Variants in STYXL2 observed in about 807,000 individuals in gnomAD.
STYXL2 encodes serine/threonine/tyrosine interacting like 2, also known as serine/threonine/tyrosine-interacting-like protein 2.
In STYXL2, 44 loss-of-function variants were observed where a neutral mutation model predicts 52.4. The ratio of observed to expected loss-of-function variants is 0.84; its 90% CI spans 0.66 to 1.08. The LOEUF (loss-of-function observed/expected upper bound fraction) is 1.08. Ranked by LOEUF, STYXL2 falls within the 50% of genes least tolerant of loss-of-function variation. The pLI, the probability that STYXL2 is intolerant of heterozygous loss-of-function variation, is 0.00. For synonymous variants in STYXL2, 604 were observed against 586.9 expected, an observed-to-expected ratio of 1.03 and a Z score of -0.42; for missense variants, 1,604 against 1,471.7, an observed-to-expected ratio of 1.09 and a Z score of -1.47.
At chr1:167,096,727 G>A (rs975656588) in intron 2 of STYXL2, among the ~76,000 whole-genome samples, 21 of 152,186 alleles carry the variant, frequency 1.4e-4, no homozygotes, top group African/African-American at 5.1e-4. Context: ...AGGCCCATGA[G>A]CCCAAGAAAA....
At chr1:167,114,336 T>C (rs1242756135) in intron 3 of STYXL2, among the ~76,000 whole-genome samples, 1 of 152,234 alleles carries the variant, frequency 6.6e-6, no homozygotes, top group Non-Finnish European at 1.5e-5. Flanking sequence ...AAGATACTTA[T>C]CTGGATTAGA....
Position 167,127,570 on chromosome 1 carries a change from A to G in STYXL2, c.2439A>G (p.Arg813=). ...TTLSSPAESC[R]SKVRGTSKPI... Reference sequence around the variant, plus strand: ...TGAGCTCACCCGCGGAAAGTTGCAGAAGCAAAGTGAGGGGGACCAGCAAGC... The same window carrying G: ...TGAGCTCACCCGCGGAAAGTTGCAGGAGCAAAGTGAGGGGGACCAGCAAGC... Residue 813 remains arginine (R), a synonymous_variant, in exon 6 of 6, where the codon AGA becomes AGG. Coordinates refer to ENST00000361200, the MANE Select transcript of STYXL2 (RefSeq NM_001080426.3). 1 of 1,614,110 alleles carries G rather than the reference A, an allele frequency of 6.2e-7. No individual in the cohort carries two copies. The highest frequency in any genetic ancestry group is 1.1e-5 in the South Asian group (1 of 91,072).
chr1:167,112,980 A>C (rs1571339358), intron 2 of STYXL2, among the ~76,000 whole-genome samples: 1 of 151,992 alleles, frequency 6.6e-6, no homozygotes, highest in Non-Finnish European at 1.5e-5. Context: ...TCCCATCCCC[A>C]CCGCCATAGT....
chr1:167,109,416 C>G (rs539861035), intron 2 of STYXL2, among the ~76,000 whole-genome samples: 2 of 152,252 alleles, frequency 1.3e-5, no homozygotes, highest in African/African-American at 4.8e-5. Flanking sequence ...GCCAGCTTTA[C>G]CCCCACTTCC....
In STYXL2 at chr1:167,128,503, T is replaced by C; in HGVS notation, c.3372T>C (p.Thr1124=). The change falls in exon 6 of 6, where the codon ACT becomes ACC. Residue 1124 remains threonine, a synonymous_variant. Coordinates refer to ENST00000361200, the MANE Select transcript of STYXL2 (RefSeq NM_001080426.3). ...SGRRSQYRRS[T]DREEEEEMDD... ...GGCGGTCCCAGTATCGGAGAAGCAC[T>C]GACAGGGAGGAAGAGGAAGAAATGG... The C allele has an allele frequency of 6.2e-7, 1 of 1,613,634 alleles. No homozygotes were observed. Among genetic ancestry groups the C allele is most frequent in the Non-Finnish European group, 8.5e-7 (1 of 1,179,900 alleles).
chr1:167,122,252 A>G (rs890472162), intron 5 of STYXL2, among the ~76,000 whole-genome samples: 1 of 152,102 alleles, frequency 6.6e-6, no homozygotes, highest in Non-Finnish European at 1.5e-5. Context: ...AAGAAGCCAA[A>G]GACAGGAGCC....
Position 167,128,894 on chromosome 1 carries a change from G to T in STYXL2, c.*286G>T, listed in dbSNP as rs267748. 2.6e-6 allele frequency: 1 copy of T among 389,188 alleles called. No individual in the cohort carries two copies. The highest frequency in any genetic ancestry group is 3.0e-5 in the South Asian group (1 of 33,412). 24.1% of individuals were successfully genotyped at this position (389,188 alleles called of 1,614,324 possible). ...TTTGGTGTTTCACTTAATGTATTTG[G>T]CAGTGTTCATCACAGGCTAGAGAGG... On this transcript the variant is annotated 3_prime_UTR_variant, in exon 6 of 6. Transcript: ENST00000361200.
chr1:167,116,728 T>C (rs1269900366), intron 3 of STYXL2, among the ~76,000 whole-genome samples: 3 of 143,276 alleles, frequency 2.1e-5, no homozygotes, highest in Non-Finnish European at 3.0e-5. Context: ...CTCAGCTCAC[T>C]GCAACCTCCA....
intron 5 of STYXL2, among the ~76,000 whole-genome samples, chr1:167,122,920 C>G (rs1419259155): frequency 6.6e-6 from 1 of 152,194 alleles, no homozygotes; most frequent in Admixed American, 6.5e-5. Context: ...ACCACCTCGG[C>G]CTCCCAGGGT....
chr1:167,125,579 C>T (rs541602884), intron 5 of STYXL2, among the ~76,000 whole-genome samples: 20 of 152,270 alleles, frequency 1.3e-4, no homozygotes, highest in African/African-American at 4.3e-4. Flanking sequence ...AATACAGGGC[C>T]AGTGGGGATT....
intron 2 of STYXL2, among the ~76,000 whole-genome samples, chr1:167,099,387 C>T (rs1667356683): frequency 6.6e-6 from 1 of 152,146 alleles, no homozygotes; most frequent in Admixed American, 6.5e-5. Context: ...CCAACAAGTA[C>T]AGGATACACA....
chr1:167,111,610 T>C (rs1253081507), intron 2 of STYXL2, among the ~76,000 whole-genome samples: 3 of 150,694 alleles, frequency 2.0e-5, no homozygotes, highest in South Asian at 2.1e-4. Context: ...CTGGATGGAA[T>C]TGGAAACCAT....
chr1:167,113,287 T>C (rs530530238), intron 2 of STYXL2, among the ~76,000 whole-genome samples: 1 of 152,174 alleles, frequency 6.6e-6, no homozygotes, highest in South Asian at 2.1e-4. Flanking sequence ...TGGCAACCTA[T>C]TCAGCCCAGC....
chr1:167,099,552 G>T (rs1667359710), intron 2 of STYXL2, among the ~76,000 whole-genome samples: 1 of 152,092 alleles, frequency 6.6e-6, no homozygotes, highest in African/African-American at 2.4e-5. Context: ...TAAAATCAGG[G>T]ATTCAAATTA....
intron 2 of STYXL2, among the ~76,000 whole-genome samples, chr1:167,101,498 T>C (rs1667401947): frequency 6.6e-6 from 1 of 152,160 alleles, no homozygotes; most frequent in African/African-American, 2.4e-5. Flanking sequence ...AGGTATATAC[T>C]CAAGAGAAAT....
At chr1:167,111,513 TACACAC>T (rs767623370) in intron 2 of STYXL2, among the ~76,000 whole-genome samples, 2,375 of 48,760 alleles carry the variant, frequency 0.049, 48 homozygotes, top group Middle Eastern at 0.065. Context: ...TATATATATA[TACACAC>T]ACACACACAC....
rs1667951437 is a variant in STYXL2 at position 167,125,884 on chromosome 1, T to A, written c.753T>A (p.Ala251=). 29 of 1,614,040 alleles carry A rather than the reference T, an allele frequency of 1.8e-5. No homozygotes were observed. Among genetic ancestry groups the A allele is most frequent in the Non-Finnish European group, 2.4e-5 (28 of 1,180,024 alleles). ...TCCACAACATGGCCATCCTGGAGGC[T>A]TTGATGACCGTGCGTAAGAAGCGGG... ...MIFHNMAILE[A]LMTVRKKRAI... Residue 251 remains alanine, a synonymous_variant, in exon 6 of 6, where the codon GCT becomes GCA. Transcript: ENST00000361200.
In STYXL2 at chr1:167,113,781, C is replaced by T; in HGVS notation, c.182C>T (p.Ala61Val). Residue 61 changes from alanine (A) to valine (V), a missense_variant, in exon 3 of 6, where the codon GCA becomes GTA. By Grantham distance (64) the Ala-to-Val change is moderately conservative. Coordinates refer to ENST00000361200, the MANE Select transcript of STYXL2 (RefSeq NM_001080426.3). The stretch of plus-strand genomic sequence containing the variant: ...CCCATTCACCTCTCCTCAGCCATTG[C>T]AGCCAAACAGATCATCAATGAAGGT... ...MEPIHLSSAI[A>V]AKQIINEELK... 1 of 1,613,796 alleles carries T rather than the reference C, an allele frequency of 6.2e-7. No individual in the cohort carries two copies. Among genetic ancestry groups the T allele is most frequent in the Middle Eastern group, 1.6e-4 (1 of 6,062 alleles).
In STYXL2 at chr1:167,117,440, C is replaced by G; in HGVS notation, c.318C>G (p.Asp106Glu). ...ACCGCGTCAGGGAGAAGATGGATGA[C>G]ACCAGCCTCTATAATACGCCCTGTG... ...LYNRVREKMD[D>E]TSLYNTPCVL... The change falls in exon 4 of 6, where the codon GAC becomes GAG. Residue 106 changes from aspartate (D) to glutamate (E), a missense_variant. Asp to Glu is a conservative substitution (Grantham distance 45). Coordinates refer to ENST00000361200, the MANE Select transcript of STYXL2 (RefSeq NM_001080426.3). 6.2e-7 allele frequency: 1 copy of G among 1,612,528 alleles called. No individual in the cohort carries two copies. Among genetic ancestry groups the G allele is most frequent in the Non-Finnish European group, 8.5e-7 (1 of 1,179,350 alleles).
Sources: allele counts gnomAD v4.1 joint callset (sites outside exome capture counted in the v4.1 genomes callset), GRCh38; gene constraint gnomAD v4.1.1; transcripts MANE v1.5; gene names NCBI Gene and HGNC (gene_info 2026-07-23, HGNC 2026-07-21).